Variants in SMARCA2 observed in about 807,000 individuals in gnomAD.
SMARCA2 encodes SWI/SNF-related matrix-associated actin-dependent regulator of chromatin subfamily A member 2.
SMARCA2 carries 61 observed loss-of-function variants against 199.8 expected under a neutral mutation model. The ratio of observed to expected loss-of-function variants is 0.31; its 90% CI spans 0.25 to 0.38. The LOEUF (loss-of-function observed/expected upper bound fraction) is 0.38. SMARCA2 is among the 10% of genes least tolerant of loss of function. The probability of loss-of-function intolerance (pLI) is 1.00; values close to 1 mark genes in which losing one functional copy is unlikely to be tolerated. For synonymous variants in SMARCA2, 935 were observed against 732.0 expected, an observed-to-expected ratio of 1.28 and a Z score of -4.48; for missense variants, 1,344 against 2,012.2, an observed-to-expected ratio of 0.67 and a Z score of 6.35.
At chr9:2,076,381 A>G (rs760958648) in intron 13 of SMARCA2, 52 bp downstream of exon 13, 2 of 1,153,522 alleles carry the variant, frequency 1.7e-6, no homozygotes, top group South Asian at 2.5e-5. Flanking sequence ...ATGATGCTTA[A>G]TGAATTTTCT....
At chr9:2,034,269 A>C (rs895401339) in intron 3 of SMARCA2, among the ~76,000 whole-genome samples, 2 of 148,722 alleles carry the variant, frequency 1.3e-5, no homozygotes, top group Non-Finnish European at 3.0e-5. Flanking sequence ...AAAAAAAACT[A>C]TTTCAAAGTA....
Position 2,086,619 on chromosome 9 carries a change from C to T in SMARCA2, c.2527-210C>T, listed in dbSNP as rs1173357344. On this transcript the variant is annotated intron_variant, in intron 17 of 33. Transcript: ENST00000349721. This position sits in a 1 kb window ranked among gnomAD's most constrained non-coding sequence, Gnocchi z 4.3. The stretch of plus-strand genomic sequence containing the variant: ...TTGGAATTACGTGGTCTGTAAGGAA[C>T]ATTGTTCCTTTAACATTCTATTATT... Among the ~76,000 whole-genome samples, 1 of 152,168 alleles carries T rather than the reference C, an allele frequency of 6.6e-6. No homozygotes were observed. The highest frequency in any genetic ancestry group is 2.4e-5 in the African/African-American group (1 of 41,436).
chr9:2,193,024 A>C lies in SMARCA2; in HGVS notation c.*285A>C. On this transcript the variant is annotated 3_prime_UTR_variant, in exon 34 of 34. Coordinates refer to ENST00000349721, the MANE Select transcript of SMARCA2 (RefSeq NM_003070.5). ...ATATGTGGGTGGATAGTATATTTCT[A>C]TGGGTGGGTCTAATTTGGTAACGGT... 2.8e-6 allele frequency: 1 copy of C among 353,278 alleles called. No individual in the cohort carries two copies. The highest frequency in any genetic ancestry group is 2.1e-5 in the African/African-American group (1 of 47,264). 21.9% of individuals were successfully genotyped at this position (353,278 alleles called of 1,614,324 possible). A position where few individuals can be genotyped will look rare whatever the true frequency, so the allele number is the denominator to read the frequency against.
In SMARCA2 at chr9:2,193,585, T is replaced by C. The variant is rs1828039838; in HGVS notation, c.*846T>C. 1 of 152,650 alleles carries C rather than the reference T, an allele frequency of 6.6e-6. No homozygotes were observed. The highest frequency in any genetic ancestry group is 6.5e-5 in the Admixed American group (1 of 15,284). 9.5% of individuals were successfully genotyped at this position (152,650 alleles called of 1,614,324 possible). A position where few individuals can be genotyped will look rare whatever the true frequency, so the allele number is the denominator to read the frequency against. On this transcript the variant is annotated 3_prime_UTR_variant, in exon 34 of 34. Transcript: ENST00000349721. Reference sequence around the variant, plus strand: ...TCCAGTAATTTCGAAGAATGTGGTGTTGGTGCTTTCCTAATAAAGAAATAA... The same window carrying C: ...TCCAGTAATTTCGAAGAATGTGGTGCTGGTGCTTTCCTAATAAAGAAATAA...
intron 5 of SMARCA2, among the ~76,000 whole-genome samples, chr9:2,051,025 G>A (rs752765605): frequency 1.3e-5 from 2 of 152,148 alleles, no homozygotes; most frequent in Non-Finnish European, 2.9e-5. Context: ...TGTTGTTTGG[G>A]GAAGTTTAGA....
intron 25 of SMARCA2, among the ~76,000 whole-genome samples, chr9:2,116,918 A>C (rs905264777): frequency 1.3e-5 from 2 of 152,196 alleles, no homozygotes; most frequent in East Asian, 1.9e-4. Flanking sequence ...TTCATTGCAT[A>C]TATTAGATAT....
chr9:2,043,260 C>A (rs1819688410), intron 4 of SMARCA2: 2 of 152,120 alleles, frequency 1.3e-5, no homozygotes, highest in Non-Finnish European at 1.5e-5. Flanking sequence ...TTATAATTCA[C>A]CAAAAGTGAC....
rs747096590 is a variant in SMARCA2 at position 2,047,374 on chromosome 9, G to A, written c.936G>A (p.Pro312=). 3.9e-6 allele frequency: 6 copies of A among 1,547,000 alleles called. No homozygotes were observed. The highest frequency in any genetic ancestry group is 2.8e-5 in the African/African-American group (2 of 71,144). The part of the protein sequence containing the change: ...VPGPSVPQPA[P]GQPSPVLQLQ... ...GGCCCTCAGTGCCGCAGCCGGCCCC[G>A]GGGCAGCCCTCGCCCGTCCTCCAGC... Residue 312 remains proline, a synonymous_variant, in exon 5 of 34, where the codon CCG becomes CCA. Transcript: ENST00000349721.
chr9:2,111,654 C>T (rs573430792), intron 24 of SMARCA2, among the ~76,000 whole-genome samples: 68 of 152,194 alleles, frequency 4.5e-4, no homozygotes, highest in African/African-American at 1.4e-3. Context: ...TGCCATATAG[C>T]GTCACTTTTG....
At chr9:2,140,598 C>A (rs758180250) in intron 27 of SMARCA2, among the ~76,000 whole-genome samples, 1 of 152,144 alleles carries the variant, frequency 6.6e-6, no homozygotes, top group Admixed American at 6.5e-5. Flanking sequence ...TATTTGGAAC[C>A]AGTTCCCTGT....
chr9:2,187,099 C>A (rs1586817043), intron 32 of SMARCA2, among the ~76,000 whole-genome samples: 1 of 151,644 alleles, frequency 6.6e-6, no homozygotes, highest in Non-Finnish European at 1.5e-5. Flanking sequence ...TGAGTTGGAA[C>A]TGTGAATTTT....
chr9:2,039,423 T>C lies in SMARCA2; in HGVS notation c.356-43T>C. On this transcript the variant is annotated intron_variant, in intron 3 of 33. Transcript: ENST00000349721. This position sits in a 1 kb window ranked among gnomAD's most constrained non-coding sequence, Gnocchi z 4.8. The stretch of plus-strand genomic sequence containing the variant: ...ATTCAGGGATATCTCTCTTTCAGGG[T>C]TGTCAGGGGCAGCCTGTGATTTCCT... 6.3e-7 allele frequency: 1 copy of C among 1,582,650 alleles called. No homozygotes were observed. Among genetic ancestry groups the C allele is most frequent in the East Asian group, 2.2e-5 (1 of 44,532 alleles).
intron 32 of SMARCA2, among the ~76,000 whole-genome samples, chr9:2,186,568 A>G (rs1827475302): frequency 6.9e-6 from 1 of 144,870 alleles, no homozygotes; most frequent in South Asian, 2.1e-4. Context: ...GCATGATCTT[A>G]GCTCACTGCA....
At chr9:2,069,999 A>G (rs1484781411) in intron 9 of SMARCA2, among the ~76,000 whole-genome samples, 1 of 152,124 alleles carries the variant, frequency 6.6e-6, no homozygotes, top group Non-Finnish European at 1.5e-5. Flanking sequence ...CTTGATGGAC[A>G]GTTTTAGAAT....
At chr9:2,105,312 C>G (rs1286791045) in intron 23 of SMARCA2, among the ~76,000 whole-genome samples, 1 of 151,936 alleles carries the variant, frequency 6.6e-6, no homozygotes, top group Non-Finnish European at 1.5e-5. Flanking sequence ...GTGGCATGAT[C>G]TCAGCTTACT....
At chr9:2,066,563 A>G (rs916149445) in intron 9 of SMARCA2, among the ~76,000 whole-genome samples, 8 of 152,222 alleles carry the variant, frequency 5.3e-5, no homozygotes, top group Non-Finnish European at 8.8e-5. Flanking sequence ...AATAATTCCT[A>G]TCATGTCCCC....
At chr9:2,089,723 G>A (rs1413801204) in intron 19 of SMARCA2, among the ~76,000 whole-genome samples, 1 of 152,130 alleles carries the variant, frequency 6.6e-6, no homozygotes, top group Non-Finnish European at 1.5e-5. Context: ...CTGTGGTCTT[G>A]GCCTCTGGGT....
chr9:2,059,410 C>T lies in SMARCA2; in HGVS notation c.1521+946C>T, dbSNP rs145694711. Among the ~76,000 whole-genome samples, 250 of 152,210 alleles carry T rather than the reference C, an allele frequency of 1.6e-3. 1 individual carries two copies. Among genetic ancestry groups the T allele is most frequent in the African/African-American group, 5.2e-3 (218 of 41,540 alleles). On this transcript the variant is annotated intron_variant, in intron 8 of 33. Coordinates refer to ENST00000349721, the MANE Select transcript of SMARCA2 (RefSeq NM_003070.5). ...GCAGGTACTACTACATCTTACTACC[C>T]TATCCTGCCTCCCTCTCCATACCAG...
chr9:2,191,442 C>A, intron 33 of SMARCA2, 34 bp downstream of exon 33: 2 of 1,611,186 alleles, frequency 1.2e-6, no homozygotes, highest in South Asian at 1.1e-5. Context: ...AAGGCGGAGA[C>A]GCCCTCTCCC....
Sources: gnomAD v4.1 joint callset for allele counts (sites outside exome capture counted in the v4.1 genomes callset) on GRCh38, gnomAD v4.1.1 for gene constraint, Gnocchi (gnomAD v3.1) non-coding constraint, MANE v1.5 for transcripts, NCBI Gene and HGNC (gene_info 2026-07-23, HGNC 2026-07-21) for gene names.